Variants in SORL1 observed in about 807,000 individuals in gnomAD.
SORL1 encodes sortilin related receptor 1.
SORL1 carries 127 observed loss-of-function variants against 273.7 expected under a neutral mutation model. The observed-to-expected ratio is 0.46, with a 90% CI of 0.40 to 0.54. The LOEUF (loss-of-function observed/expected upper bound fraction) is 0.54, where lower values mean the gene tolerates loss of function less well. Among genes scored for constraint, SORL1 ranks in the 20% least tolerant of loss-of-function variants. SORL1 has a pLI of 0.00. For missense variants in SORL1, 2,494 were observed against 2,846.1 expected, an observed-to-expected ratio of 0.88 and a Z score of 2.81; for synonymous variants, 1,031 against 1,067.4, an observed-to-expected ratio of 0.97 and a Z score of 0.66.
chr11:121,536,481 A>G (rs1265830807), intron 12 of SORL1, among the ~76,000 whole-genome samples: 2 of 142,534 alleles, frequency 1.4e-5, no homozygotes, highest in Non-Finnish European at 1.5e-5. Flanking sequence ...GCTCACTGCA[A>G]CCTCCTCTTC....
chr11:121,503,136 T>C (rs1357600535), intron 6 of SORL1, among the ~76,000 whole-genome samples: 2 of 152,066 alleles, frequency 1.3e-5, no homozygotes, highest in Non-Finnish European at 2.9e-5. Context: ...TCCCAAAGTG[T>C]TGGGATTGTA....
At chr11:121,455,283 G>A (rs59806718) in intron 1 of SORL1, among the ~76,000 whole-genome samples, 3,444 of 152,254 alleles carry the variant, frequency 0.023, 125 homozygotes, top group African/African-American at 0.078. Flanking sequence ...GACATGCAGC[G>A]CATGGGAGAT....
At chr11:121,562,654 A>G (rs769815055) in intron 21 of SORL1, among the ~76,000 whole-genome samples, 5 of 152,170 alleles carry the variant, frequency 3.3e-5, no homozygotes, top group Non-Finnish European at 7.3e-5. Flanking sequence ...ATTTTACTTC[A>G]TGATGACCCT....
Position 121,514,149 on chromosome 11 carries a change from A to T in SORL1, c.1042-3A>T. 3 of 1,609,580 alleles carry T rather than the reference A, an allele frequency of 1.9e-6. No homozygotes were observed. The highest frequency in any genetic ancestry group is 1.7e-4 in the Middle Eastern group (1 of 6,030). On this transcript the variant is annotated splice_polypyrimidine_tract_variant and splice_region_variant and intron_variant, in intron 7 of 47. Transcript: ENST00000260197. ...GTATCTTTTTTGACTTTTGATTCCA[A>T]AGGAATATTACATCGCAGATGCCTC...
Position 121,514,301 on chromosome 11 carries a change from C to T in SORL1, c.1191C>T (p.Ala397=), listed in dbSNP as rs149353916. The T allele has an allele frequency of 4.5e-5, 73 of 1,613,848 alleles. No homozygotes were observed. The East Asian group carries it at 4.9e-4, about 11-fold the overall frequency. The change falls in exon 8 of 48, where the codon GCC becomes GCT. Residue 397 remains alanine, a synonymous_variant. Transcript: ENST00000260197. The part of the protein sequence containing the change: ...ENVLYYSPGG[A]GSDTLVRYFA... ...TGCTCTATTACAGCCCAGGAGGGGC[C>T]GGCAGTGACACCTTGGTGAGGTAAG...
chr11:121,460,009 A>G (rs761170016), intron 1 of SORL1, among the ~76,000 whole-genome samples: 12 of 152,248 alleles, frequency 7.9e-5, no homozygotes, highest in Non-Finnish European at 2.9e-5. Flanking sequence ...ATTAGATTCA[A>G]AACACAGCTA....
intron 32 of SORL1, among the ~76,000 whole-genome samples, chr11:121,601,571 T>C (rs1438252606): frequency 7.1e-6 from 1 of 141,342 alleles, no homozygotes; most frequent in African/African-American, 2.7e-5. Context: ...GTTTCCTGAC[T>C]TTTTAATGAT....
intron 8 of SORL1, among the ~76,000 whole-genome samples, chr11:121,519,447 G>A (rs576592417): frequency 7.4e-5 from 11 of 148,166 alleles, no homozygotes; most frequent in African/African-American, 2.5e-4. Flanking sequence ...TCGCTCTGTC[G>A]CCCAGGCTGG....
intron 25 of SORL1, 131 bp downstream of exon 25, chr11:121,577,531 T>C: frequency 9.7e-7 from 1 of 1,034,526 alleles, no homozygotes; most frequent in South Asian, 2.3e-5. Flanking sequence ...AGTTTCATGC[T>C]TCTCAAAGAG....
At chr11:121,626,903 T>TAAA (rs1863802916) in intron 46 of SORL1, 1 of 152,738 alleles carries the variant, frequency 6.5e-6, no homozygotes, top group South Asian at 2.1e-4. Context: ...CAGAGCCTGT[T>TAAA]TGTTTAAGTC....
intron 16 of SORL1, among the ~76,000 whole-genome samples, chr11:121,553,099 A>G (rs1208647845): frequency 6.6e-6 from 1 of 152,190 alleles, no homozygotes; most frequent in Non-Finnish European, 1.5e-5. Context: ...AACAGGCAGC[A>G]CAGTGTAGTG....
At chr11:121,519,902 TG>T in intron 8 of SORL1, among the ~76,000 whole-genome samples, 1 of 152,228 alleles carries the variant, frequency 6.6e-6, no homozygotes, top group Non-Finnish European at 1.5e-5. Context: ...TAGGAATTGT[TG>T]GTCAGACAAG....
chr11:121,593,381 C>A (rs147836317), intron 31 of SORL1, among the ~76,000 whole-genome samples: 4 of 152,194 alleles, frequency 2.6e-5, no homozygotes, highest in African/African-American at 9.7e-5. Context: ...GCCTTTCAGT[C>A]GCCACTCAGG....
intron 2 of SORL1, among the ~76,000 whole-genome samples, chr11:121,475,991 C>T (rs937154496): frequency 5.3e-5 from 8 of 152,222 alleles, no homozygotes; most frequent in African/African-American, 1.9e-4. Flanking sequence ...GTGAGACTAA[C>T]TCCGGTTTTT....
At chr11:121,510,766 G>A (rs1861865556) in intron 6 of SORL1, among the ~76,000 whole-genome samples, 1 of 152,140 alleles carries the variant, frequency 6.6e-6, no homozygotes, top group Admixed American at 6.5e-5. Flanking sequence ...CTGTCACTAT[G>A]TACATATGCT....
At chr11:121,494,047 C>G (rs531327798) in intron 5 of SORL1, among the ~76,000 whole-genome samples, 4 of 152,304 alleles carry the variant, frequency 2.6e-5, no homozygotes, top group Admixed American at 1.3e-4. Context: ...GAACTTTCTT[C>G]TGCTTTATTT....
At chr11:121,590,430 T>G in intron 30 of SORL1, 1 of 505,782 alleles carries the variant, frequency 2.0e-6, no homozygotes, top group South Asian at 2.6e-5. Context: ...AAGTATGGTT[T>G]GCAACCAGTA....
At position 121,612,750 on chromosome 11, in the gene SORL1, G is replaced by C; in HGVS notation, c.5337G>C (p.Val1779=). 1 of 1,613,962 alleles carries C rather than the reference G, an allele frequency of 6.2e-7. No homozygotes were observed. The highest frequency in any genetic ancestry group is 1.3e-5 in the African/African-American group (1 of 75,042). The change falls in exon 40 of 48, where the codon GTG becomes GTC. Residue 1779 remains valine (V), a synonymous_variant. Coordinates refer to ENST00000260197, the MANE Select transcript of SORL1 (RefSeq NM_003105.6). ...MESDIKVNGY[V]VNLFWAFDTH... is the part of the protein sequence containing the mutation. ...GTTCTCGGCAGGTGAATGGCTATGT[G>C]GTGAACCTTTTCTGGGCATTTGACA... is the stretch of plus-strand genomic sequence containing the variant.
Position 121,554,290 on chromosome 11 carries a change from A to T in SORL1, c.2439+181A>T, listed in dbSNP as rs1331124317. Among the ~76,000 whole-genome samples the T allele has an allele frequency of 1.3e-5, 2 of 152,194 alleles. No individual in the cohort carries two copies. The highest frequency in any genetic ancestry group is 2.9e-5 in the Non-Finnish European group (2 of 68,026). ...TTAGTATTTTTCTTTCTCTGTCTTC[A>T]TCTGTTCATATAGGAAGGATAAAGA... On this transcript the variant is annotated intron_variant, in intron 17 of 47. Coordinates refer to ENST00000260197, the MANE Select transcript of SORL1 (RefSeq NM_003105.6). This position sits in a 1 kb window ranked among gnomAD's most constrained non-coding sequence, Gnocchi z 4.6.
Sources: allele counts gnomAD v4.1 joint callset (sites outside exome capture counted in the v4.1 genomes callset), GRCh38; gene constraint gnomAD v4.1.1; non-coding constraint Gnocchi (gnomAD v3.1); transcripts MANE v1.5; gene names NCBI Gene and HGNC (gene_info 2026-07-23, HGNC 2026-07-21).